Variants in TNFRSF10B observed in about 807,000 individuals in gnomAD.
TNFRSF10B encodes the protein tumor necrosis factor receptor superfamily member 10B.
A neutral mutation model predicts 41.4 loss-of-function variants in TNFRSF10B; 35 were observed. That is an observed-to-expected ratio of 0.85 (90% CI 0.65 to 1.12). TNFRSF10B has a LOEUF of 1.12. Among genes scored for constraint, TNFRSF10B ranks in the 50% most tolerant of loss-of-function variants. The pLI is 0.00. For missense variants in TNFRSF10B, 584 were observed against 552.7 expected, an observed-to-expected ratio of 1.06 and a Z score of -0.57; for synonymous variants, 230 against 215.5, an observed-to-expected ratio of 1.07 and a Z score of -0.59.
chr8:23,050,691 C>T (rs951713319), intron 1 of TNFRSF10B, among the ~76,000 whole-genome samples: 2 of 152,140 alleles, frequency 1.3e-5, no homozygotes, highest in African/African-American at 4.8e-5. Context: ...TGTTTAAGTG[C>T]ACTGTAAAAG....
rs199547541 is a variant in TNFRSF10B, at chr8:23,023,492, ACT to A, written c.1010-510_1010-509del. On this transcript the variant is annotated intron_variant, in intron 8 of 8. Coordinates refer to ENST00000276431, the MANE Select transcript of TNFRSF10B (RefSeq NM_003842.5). ...GGCAGAGCTAGGTGGAGGCAAACAG[ACT>A]CTGAGCAAGAAGTGAACCCAAAGAC... 9.4e-3 allele frequency among the ~76,000 whole-genome samples: 1,422 copies of A among 151,884 alleles called. 16 individuals carry two copies. The highest frequency in any genetic ancestry group is 0.033 in the African/African-American group (1,347 of 41,392).
At chr8:23,060,694 A>G (rs1275568074) in intron 1 of TNFRSF10B, among the ~76,000 whole-genome samples, 1 of 152,222 alleles carries the variant, frequency 6.6e-6, no homozygotes, top group Non-Finnish European at 1.5e-5. Flanking sequence ...TGGGATTTTG[A>G]TAGAGATTAC....
chr8:23,028,107 G>A, intron 5 of TNFRSF10B: 1 of 636,358 alleles, frequency 1.6e-6, no homozygotes. Context: ...CCTGGACTTG[G>A]CTGGGAGATA....
chr8:23,046,261 C>T (rs1226360387), intron 1 of TNFRSF10B, among the ~76,000 whole-genome samples: 1 of 151,984 alleles, frequency 6.6e-6, no homozygotes, highest in Non-Finnish European at 1.5e-5. Flanking sequence ...ACAAAATCAA[C>T]ATATGAAAAT....
chr8:23,067,959 T>C (rs1325615717), intron 1 of TNFRSF10B, among the ~76,000 whole-genome samples: 2 of 152,224 alleles, frequency 1.3e-5, no homozygotes, highest in Admixed American at 1.3e-4. Context: ...CACACCATGC[T>C]GTTCCCTACA....
At chr8:23,041,070 T>C (rs1000434269) in intron 2 of TNFRSF10B, among the ~76,000 whole-genome samples, 4 of 151,506 alleles carry the variant, frequency 2.6e-5, no homozygotes, top group Admixed American at 6.6e-5. Flanking sequence ...TGTTGTTTTT[T>C]TTTTTTGAGA....
In TNFRSF10B at chr8:23,022,264, C is replaced by G. The variant is rs1162259137; in HGVS notation, c.*407G>C. ...GACAGAGTGAACTGCCCCGCACCCC[C>G]CACCCAAAAAAGGTTCATATCATAT... On this transcript the variant is annotated 3_prime_UTR_variant, in exon 9 of 9. Coordinates refer to ENST00000276431, the MANE Select transcript of TNFRSF10B (RefSeq NM_003842.5). 2.2e-6 allele frequency: 1 copy of G among 454,196 alleles called. No individual in the cohort carries two copies. Among genetic ancestry groups the G allele is most frequent in the South Asian group, 1.6e-5 (1 of 64,464 alleles). 28.1% of individuals were successfully genotyped at this position (454,196 alleles called of 1,614,324 possible).
chr8:23,057,005 A>G (rs945419350), intron 1 of TNFRSF10B, among the ~76,000 whole-genome samples: 3 of 151,542 alleles, frequency 2.0e-5, no homozygotes, highest in East Asian at 1.9e-4. Flanking sequence ...ATAAATGTCA[A>G]TTAAGTCAAG....
At position 23,060,130 on chromosome 8, in the gene TNFRSF10B, G is replaced by A. The variant is rs114322915; in HGVS notation, c.144+8621C>T. Among the ~76,000 whole-genome samples the A allele has an allele frequency of 9.8e-3, 1,488 of 152,012 alleles. 30 individuals carry two copies. Among genetic ancestry groups the A allele is most frequent in the African/African-American group, 0.034 (1,407 of 41,354 alleles). On this transcript the variant is annotated intron_variant, in intron 1 of 8. Coordinates refer to ENST00000276431, the MANE Select transcript of TNFRSF10B (RefSeq NM_003842.5). Reference sequence around the variant, plus strand: ...TAATAGTATCTTTTGATTCACAAGAGTTACTGATTTTCAAGAAGTCCAAAA... The same window carrying A: ...TAATAGTATCTTTTGATTCACAAGAATTACTGATTTTCAAGAAGTCCAAAA...
At chr8:23,026,284 G>A (rs1426586028) in intron 7 of TNFRSF10B, among the ~76,000 whole-genome samples, 2 of 151,250 alleles carry the variant, frequency 1.3e-5, no homozygotes, top group Non-Finnish European at 2.9e-5. Context: ...TTGTTTGTTT[G>A]TTTTTTTAAA....
chr8:23,029,552 A>C (rs1248777760), intron 4 of TNFRSF10B, 58 bp downstream of exon 4: 3 of 1,515,714 alleles, frequency 2.0e-6, no homozygotes, highest in Middle Eastern at 1.7e-4. Flanking sequence ...GGGTACAAGG[A>C]GACTTGGGTC....
chr8:23,061,362 CTG>C (rs1165971221), intron 1 of TNFRSF10B, among the ~76,000 whole-genome samples: 1 of 152,148 alleles, frequency 6.6e-6, no homozygotes, highest in Non-Finnish European at 1.5e-5. Context: ...GCAATCTGTA[CTG>C]TCTTTTACTG....
intron 1 of TNFRSF10B, chr8:23,068,502 C>T: frequency 1.7e-6 from 1 of 578,020 alleles, no homozygotes. Context: ...TCCTTGTCGC[C>T]CTCCCCCACT....
intron 1 of TNFRSF10B, among the ~76,000 whole-genome samples, chr8:23,061,914 A>T (rs376015122): frequency 1.3e-5 from 2 of 152,192 alleles, no homozygotes; most frequent in African/African-American, 4.8e-5. Flanking sequence ...TAATCCATCT[A>T]AGGTACTGTT....
intron 2 of TNFRSF10B, among the ~76,000 whole-genome samples, chr8:23,037,031 G>A (rs1055688361): frequency 2.0e-5 from 3 of 152,140 alleles, no homozygotes; most frequent in East Asian, 3.8e-4. Context: ...AGAGGTGTGT[G>A]GATAGACCTT....
intron 2 of TNFRSF10B, among the ~76,000 whole-genome samples, chr8:23,032,850 C>T (rs1448097283): frequency 6.6e-6 from 1 of 152,116 alleles, no homozygotes; most frequent in African/African-American, 2.4e-5. Flanking sequence ...CATTTGTCTG[C>T]ACATCCAAGA....
chr8:23,030,790 A>C lies in TNFRSF10B; in HGVS notation c.333T>G (p.Leu111=). ...QDYSTHWNDL[L]FCLRCTRCDS... Reference sequence around the variant, plus strand: ...CACACCTGGTGCAGCGCAAGCAGAAAAGGAGGTCATTCCAGTGAGTGCTAT... The same window carrying C: ...CACACCTGGTGCAGCGCAAGCAGAACAGGAGGTCATTCCAGTGAGTGCTAT... Residue 111 remains leucine (L), a synonymous_variant, in exon 3 of 9, where the codon CTT becomes CTG. Transcript: ENST00000276431. 6.2e-7 allele frequency: 1 copy of C among 1,613,254 alleles called. No homozygotes were observed. The highest frequency in any genetic ancestry group is 1.1e-5 in the South Asian group (1 of 90,950).
At chr8:23,037,119 G>A (rs1366261459) in intron 2 of TNFRSF10B, among the ~76,000 whole-genome samples, 2 of 152,208 alleles carry the variant, frequency 1.3e-5, no homozygotes, top group African/African-American at 2.4e-5. Flanking sequence ...GATCTTAGCA[G>A]GGAAGGATTT....
intron 1 of TNFRSF10B, among the ~76,000 whole-genome samples, chr8:23,058,233 C>T (rs1041983468): frequency 6.6e-6 from 1 of 152,000 alleles, no homozygotes; most frequent in Admixed American, 6.6e-5. Context: ...GGTAATAGAC[C>T]AAGACTCTGT....
Sources: gnomAD v4.1 joint callset for allele counts (sites outside exome capture counted in the v4.1 genomes callset) on GRCh38, gnomAD v4.1.1 for gene constraint, MANE v1.5 for transcripts, NCBI Gene and HGNC (gene_info 2026-07-23, HGNC 2026-07-21) for gene names.